STXBP4: variants seen among roughly 807,000 people sequenced by gnomAD.
STXBP4 encodes syntaxin binding protein 4.
In STXBP4, 55 loss-of-function variants were observed where a neutral mutation model predicts 76.1. The observed-to-expected ratio is 0.72, with a 90% confidence interval of 0.58 to 0.91. The LOEUF is 0.91. Among genes scored for constraint, STXBP4 ranks in the 40% least tolerant of loss-of-function variants. STXBP4 has a pLI of 0.00. For synonymous variants in STXBP4, 201 were observed against 220.2 expected, an observed-to-expected ratio of 0.91 and a Z score of 0.77; for missense variants, 618 against 636.9, an observed-to-expected ratio of 0.97 and a Z score of 0.32.
rs377465275 is a variant in STXBP4 at position 55,111,601 on chromosome 17, C to T, written c.1490-29709C>T. Among the ~76,000 whole-genome samples, 5 of 152,176 alleles carry T rather than the reference C, an allele frequency of 3.3e-5. No individual in the cohort carries two copies. In the East Asian group the frequency reaches 7.7e-4, roughly 24 times the overall value. On this transcript the variant is annotated intron_variant, in intron 16 of 17. Coordinates refer to ENST00000376352, the MANE Select transcript of STXBP4 (RefSeq NM_178509.6). The stretch of plus-strand genomic sequence containing the variant: ...AGAGATCTGGTTGTTTAAAAGTGTG[C>T]AGCACCTCCCCCAACCTTATTCATG...
chr17:54,988,088 AG>A (rs1278154742), intron 3 of STXBP4, among the ~76,000 whole-genome samples: 1 of 152,226 alleles, frequency 6.6e-6, no homozygotes, highest in Non-Finnish European at 1.5e-5. Flanking sequence ...TTTATGTTTA[AG>A]AAGAACTTTC....
chr17:55,183,524 A>G, the STXBP4 span, among the ~76,000 whole-genome samples: 1 of 152,244 alleles, frequency 6.6e-6, no homozygotes, highest in South Asian at 2.1e-4. Flanking sequence ...TTCAAGCCAA[A>G]TATATCAGCA....
intron 16 of STXBP4, among the ~76,000 whole-genome samples, chr17:55,085,284 A>G (rs552772989): frequency 1.3e-5 from 2 of 152,284 alleles, no homozygotes; most frequent in South Asian, 4.1e-4. Context: ...GGTGCAGCGC[A>G]CCAGCAAGGC....
At chr17:55,194,015 G>A in the STXBP4 span, among the ~76,000 whole-genome samples, 3,531 of 152,130 alleles carry the variant, frequency 0.023, 105 homozygotes, top group African/African-American at 0.067. Context: ...CTGCAATTGG[G>A]AAGTGATGCC....
chr17:55,175,286 A>G (rs756313083), downstream of STXBP4, among the ~76,000 whole-genome samples: 1 of 152,206 alleles, frequency 6.6e-6, no homozygotes, highest in Non-Finnish European at 1.5e-5. Flanking sequence ...TTTGAAATCT[A>G]AAGACACCTG....
intron 17 of STXBP4, among the ~76,000 whole-genome samples, chr17:55,154,847 G>A (rs925385561): frequency 6.6e-6 from 1 of 151,824 alleles, no homozygotes; most frequent in African/African-American, 2.4e-5. Flanking sequence ...TGATTTGATA[G>A]CTCAGACCTA....
intron 12 of STXBP4, among the ~76,000 whole-genome samples, chr17:55,070,409 TTGAC>T (rs1298527039): frequency 1.3e-5 from 2 of 152,188 alleles, no homozygotes; most frequent in Non-Finnish European, 2.9e-5. Flanking sequence ...CTGAATGAAA[TTGAC>T]TGGTGTGGTA....
intron 16 of STXBP4, among the ~76,000 whole-genome samples, chr17:55,096,497 G>A (rs191098532): frequency 2.4e-4 from 36 of 152,142 alleles, no homozygotes; most frequent in East Asian, 1.4e-3. Context: ...ATTGCCTCAA[G>A]AAGCTTTAGT....
intron 1 of STXBP4, among the ~76,000 whole-genome samples, chr17:54,978,735 A>G (rs2077506234): frequency 6.6e-6 from 1 of 152,178 alleles, no homozygotes; most frequent in African/African-American, 2.4e-5. Flanking sequence ...CCTTGTTGTA[A>G]GCCATTCAAA....
chr17:55,028,419 A>G (rs1052163131), intron 8 of STXBP4, among the ~76,000 whole-genome samples: 2 of 152,198 alleles, frequency 1.3e-5, no homozygotes, highest in Admixed American at 6.5e-5. Context: ...CTATAGTGTG[A>G]CAATTTTTGC....
chr17:54,980,942 TTTTG>T (rs960470555), intron 1 of STXBP4, among the ~76,000 whole-genome samples: 13 of 145,278 alleles, frequency 8.9e-5, no homozygotes, highest in African/African-American at 2.9e-4. Context: ...TGCGTTTTTT[TTTTG>T]TTGTTGTTGA....
intron 12 of STXBP4, among the ~76,000 whole-genome samples, chr17:55,071,809 C>T (rs2079123292): frequency 6.6e-6 from 1 of 152,130 alleles, no homozygotes; most frequent in South Asian, 2.1e-4. Flanking sequence ...TGTCCCTTAA[C>T]AGCTCTGAAA....
intron 11 of STXBP4, chr17:55,044,770 A>G (rs947241518): frequency 1.3e-5 from 2 of 152,130 alleles, no homozygotes; most frequent in African/African-American, 4.8e-5. Context: ...AAGCCTTAAA[A>G]AATTTTTTTC....
chr17:55,047,353 G>C (rs979888285), intron 12 of STXBP4, among the ~76,000 whole-genome samples, 199 bp downstream of exon 12: 2 of 151,502 alleles, frequency 1.3e-5, no homozygotes, highest in Non-Finnish European at 3.0e-5. Context: ...CTAAAGTCTT[G>C]CTACTATTGC....
intron 1 of STXBP4, among the ~76,000 whole-genome samples, chr17:54,974,426 A>G (rs1023673965): frequency 1.2e-4 from 18 of 152,246 alleles, no homozygotes; most frequent in Non-Finnish European, 4.4e-5. Context: ...CCTCTGTGCC[A>G]TCTTTTTGAG....
chr17:55,211,568 G>GGGAA, the STXBP4 span, among the ~76,000 whole-genome samples: 1 of 151,744 alleles, frequency 6.6e-6, no homozygotes, highest in Non-Finnish European at 1.5e-5. Context: ...TTTCCCTATT[G>GGGAA]TTTTTTGCAG....
rs1226310441 is a variant in STXBP4, at chr17:55,165,736, G to C, written c.*5825G>C. The C allele has an allele frequency of 6.6e-6, 1 of 152,206 alleles. No individual in the cohort carries two copies. The highest frequency in any genetic ancestry group is 3.1e-3 in the Middle Eastern group (1 of 318). 9.4% of individuals were successfully genotyped at this position (152,206 alleles called of 1,614,324 possible). On this transcript the variant is annotated 3_prime_UTR_variant, in exon 18 of 18. Coordinates refer to ENST00000376352, the MANE Select transcript of STXBP4 (RefSeq NM_178509.6). ...GTATTAAGAGGTACGGCTCTGAGGAGGTGATTAGGTCATGAGGCTCCATCC... is the reference window on the plus strand; with the variant it reads ...GTATTAAGAGGTACGGCTCTGAGGACGTGATTAGGTCATGAGGCTCCATCC...
At chr17:55,043,976 G>T (rs940620102) in intron 11 of STXBP4, 1 of 225,728 alleles carries the variant, frequency 4.4e-6, no homozygotes, top group African/African-American at 2.3e-5. Flanking sequence ...AACCTCCCAA[G>T]TAACTGGGAC....
intron 12 of STXBP4, among the ~76,000 whole-genome samples, chr17:55,072,338 G>A (rs191813273): frequency 6.6e-6 from 1 of 152,302 alleles, no homozygotes; most frequent in Admixed American, 6.5e-5. Flanking sequence ...TAAATGTCTT[G>A]TGAGCCTTGC....
Sources: allele counts gnomAD v4.1 joint callset (sites outside exome capture counted in the v4.1 genomes callset), GRCh38; gene constraint gnomAD v4.1.1; transcripts MANE v1.5; gene names NCBI Gene and HGNC (gene_info 2026-07-23, HGNC 2026-07-21).